Variants in CSMD1 observed in about 807,000 individuals in gnomAD.
The protein encoded by CSMD1 is CUB and Sushi multiple domains 1, also known as CUB and sushi domain-containing protein 1.
In CSMD1, 213 loss-of-function variants were observed where a neutral mutation model predicts 417.5. That is an observed-to-expected ratio of 0.51 (90% CI 0.46 to 0.57). The LOEUF (loss-of-function observed/expected upper bound fraction) is 0.57. Ranked by LOEUF, CSMD1 falls within the 20% of genes least tolerant of loss-of-function variation. The pLI is 0.00. For missense variants in CSMD1, 6,923 were observed against 4,529.7 expected, an observed-to-expected ratio of 1.53 and a Z score of -15.17; for synonymous variants, 2,862 against 1,736.8, an observed-to-expected ratio of 1.65 and a Z score of -16.11.
chr8:4,512,775 T>TA (rs1802892754), intron 2 of CSMD1, among the ~76,000 whole-genome samples: 1 of 134,490 alleles, frequency 7.4e-6, no homozygotes, highest in South Asian at 2.8e-4. Context: ...AACTCTGAAT[T>TA]AAAAAAATAA....
chr8:4,522,155 G>T (rs1239828154), intron 2 of CSMD1, among the ~76,000 whole-genome samples: 1 of 152,024 alleles, frequency 6.6e-6, no homozygotes, highest in Non-Finnish European at 1.5e-5. Context: ...GTCTTTCCTG[G>T]GCTGTTCTCG....
intron 2 of CSMD1, among the ~76,000 whole-genome samples, chr8:4,449,915 A>G (rs1799034677): frequency 6.6e-6 from 1 of 152,178 alleles, no homozygotes; most frequent in Non-Finnish European, 1.5e-5. Context: ...AAACCTGGGC[A>G]CCATGCCCAA....
intron 3 of CSMD1, among the ~76,000 whole-genome samples, chr8:4,149,946 T>A (rs1421519399): frequency 6.6e-6 from 1 of 152,324 alleles, no homozygotes; most frequent in African/African-American, 2.4e-5. Flanking sequence ...CAACAGGAAA[T>A]TCTGTGATGT....
chr8:4,828,944 T>C (rs761940420), intron 1 of CSMD1, among the ~76,000 whole-genome samples: 3 of 152,282 alleles, frequency 2.0e-5, no homozygotes, highest in African/African-American at 7.2e-5. Flanking sequence ...CCCCAAACCA[T>C]AGAGCTAGTA....
intron 8 of CSMD1, among the ~76,000 whole-genome samples, chr8:3,591,958 G>A (rs187677942): frequency 1.3e-5 from 2 of 152,158 alleles, no homozygotes; most frequent in Admixed American, 6.5e-5. Context: ...TGCATGGATA[G>A]ATGAATGGAT....
At chr8:4,764,872 C>CA (rs1194894751) in intron 1 of CSMD1, among the ~76,000 whole-genome samples, 2,064 of 50,730 alleles carry the variant, frequency 0.041, 102 homozygotes, top group African/African-American at 0.089. Context: ...GACTCCATCT[C>CA]AAAAAAAAAA....
intron 10 of CSMD1, among the ~76,000 whole-genome samples, chr8:3,535,101 C>T (rs963419139): frequency 2.7e-5 from 4 of 150,660 alleles, no homozygotes; most frequent in African/African-American, 9.9e-5. Flanking sequence ...GGTGTACCAA[C>T]ATAGTCAGCT....
At chr8:4,217,059 G>C (rs768983751) in intron 3 of CSMD1, among the ~76,000 whole-genome samples, 4 of 152,196 alleles carry the variant, frequency 2.6e-5, no homozygotes, top group Non-Finnish European at 5.9e-5. Flanking sequence ...AAATCAGGTA[G>C]TGTCCTGTGT....
intron 3 of CSMD1, among the ~76,000 whole-genome samples, chr8:4,246,194 GCC>G (rs1296839788): frequency 6.6e-6 from 1 of 151,924 alleles, no homozygotes; most frequent in African/African-American, 2.4e-5. Flanking sequence ...CCTCCAAAAG[GCC>G]CCAGTGTGTG....
chr8:4,233,306 T>G (rs868750052), intron 3 of CSMD1, among the ~76,000 whole-genome samples: 34 of 152,312 alleles, frequency 2.2e-4, no homozygotes, highest in African/African-American at 7.5e-4. Context: ...ACATCTCAAA[T>G]TTGAATGTTA....
chr8:3,273,625 A>G (rs1400311719), intron 26 of CSMD1, among the ~76,000 whole-genome samples: 1 of 152,188 alleles, frequency 6.6e-6, no homozygotes, highest in African/African-American at 2.4e-5. Flanking sequence ...TTTTTGGTCT[A>G]TTCAGAGATT....
At chr8:3,256,120 G>T (rs1013037194) in intron 26 of CSMD1, among the ~76,000 whole-genome samples, 1 of 152,008 alleles carries the variant, frequency 6.6e-6, no homozygotes, top group East Asian at 1.9e-4. Context: ...CTGAGGTCAG[G>T]AGTTCCAGAC....
chr8:4,401,175 T>A (rs993697656), intron 3 of CSMD1, among the ~76,000 whole-genome samples: 1 of 152,174 alleles, frequency 6.6e-6, no homozygotes, highest in East Asian at 1.9e-4. Context: ...AGGGGTTCCA[T>A]CCAAATTAAG....
intron 3 of CSMD1, among the ~76,000 whole-genome samples, chr8:4,377,731 C>T (rs553613884): frequency 9.7e-4 from 147 of 152,288 alleles, no homozygotes; most frequent in African/African-American, 3.5e-3. Context: ...ATACTTCTTA[C>T]TCTGCCCATA....
intron 3 of CSMD1, among the ~76,000 whole-genome samples, chr8:4,286,058 C>G (rs1297251190): frequency 6.6e-6 from 1 of 152,122 alleles, no homozygotes; most frequent in Non-Finnish European, 1.5e-5. Context: ...AGTTACATCC[C>G]TAAGTCCGAA....
chr8:4,253,122 G>A (rs1410960706), intron 3 of CSMD1, among the ~76,000 whole-genome samples: 3 of 152,148 alleles, frequency 2.0e-5, no homozygotes, highest in African/African-American at 7.2e-5. Flanking sequence ...GGAACTGGAT[G>A]GATATTGAAT....
At chr8:3,714,501 C>G (rs1801711624) in intron 6 of CSMD1, among the ~76,000 whole-genome samples, 1 of 134,890 alleles carries the variant, frequency 7.4e-6, no homozygotes, top group African/African-American at 2.8e-5. Context: ...GACAGGGGAT[C>G]ACATGAAGTT....
intron 7 of CSMD1, among the ~76,000 whole-genome samples, chr8:3,635,067 C>G (rs1031901656): frequency 6.6e-6 from 1 of 152,012 alleles, no homozygotes; most frequent in Non-Finnish European, 1.5e-5. Flanking sequence ...AAATGGGATG[C>G]CTATATAAGA....
chr8:3,491,964 G>T (rs145123912), intron 11 of CSMD1, among the ~76,000 whole-genome samples: 1 of 152,108 alleles, frequency 6.6e-6, no homozygotes, highest in African/African-American at 2.4e-5. Context: ...CAGAGGTCCC[G>T]GCCTCCACCC....
Sources: gnomAD v4.1 joint callset for allele counts (sites outside exome capture counted in the v4.1 genomes callset) on GRCh38, gnomAD v4.1.1 for gene constraint, MANE v1.5 for transcripts, NCBI Gene and HGNC (gene_info 2026-07-23, HGNC 2026-07-21) for gene names.